DDHD1: variants seen among roughly 807,000 people sequenced by gnomAD.
DDHD1 encodes DDHD domain containing 1, also known as phospholipase DDHD1.
A neutral mutation model predicts 96.4 loss-of-function variants in DDHD1; 49 were observed. The ratio of observed to expected loss-of-function variants is 0.51; its 90% CI spans 0.40 to 0.64. The LOEUF is 0.64. DDHD1 is among the 30% of genes least tolerant of loss of function. DDHD1 has a pLI of 0.00. For synonymous variants in DDHD1, 442 were observed against 446.5 expected (o/e 0.99, Z 0.13); for missense variants, 1,106 against 1,161.2 (o/e 0.95, Z 0.69).
chr14:53,109,507 G>GT (rs1566573592), intron 1 of DDHD1, among the ~76,000 whole-genome samples: 2 of 152,242 alleles, frequency 1.3e-5, no homozygotes, highest in South Asian at 4.2e-4. Context: ...TTGTATAAAG[G>GT]TAATTAAAAA....
Position 53,153,321 on chromosome 14 carries a change from G to T in DDHD1, c.-223C>A. 1 of 372,976 alleles carries T rather than the reference G, an allele frequency of 2.7e-6. No individual in the cohort carries two copies. The highest frequency in any genetic ancestry group is 1.3e-4 in the South Asian group (1 of 7,626). The allele number at this position is 372,976 out of a possible 1,614,324, so 23.1% of individuals were successfully genotyped here. On this transcript the variant is annotated 5_prime_UTR_variant, in exon 1 of 13. Transcript: ENST00000673822. ...CATTGTCACGCAGCCCGACGTAGGC[G>T]GTGCTTCGGCCCCCGCCCCGCCCCC...
At chr14:53,078,234 C>T (rs530153398) in intron 4 of DDHD1, among the ~76,000 whole-genome samples, 32 of 152,286 alleles carry the variant, frequency 2.1e-4, no homozygotes, top group Admixed American at 1.8e-3. Flanking sequence ...TCTGATCTCA[C>T]AAGAAACATG....
intron 6 of DDHD1, among the ~76,000 whole-genome samples, chr14:53,064,926 T>A (rs927515418): frequency 2.0e-5 from 3 of 152,164 alleles, no homozygotes; most frequent in Non-Finnish European, 4.4e-5. Context: ...AATTGGAATT[T>A]TTTTTCCTTT....
chr14:53,122,854 AC>A, intron 1 of DDHD1, among the ~76,000 whole-genome samples: 1 of 151,986 alleles, frequency 6.6e-6, no homozygotes, highest in Non-Finnish European at 1.5e-5. Flanking sequence ...GGCGTGAGCC[AC>A]CGTGCCTGGC....
Position 53,093,310 on chromosome 14 carries a change from A to G in DDHD1, c.1141+6T>C. On this transcript the variant is annotated splice_donor_region_variant and intron_variant, in intron 3 of 12. Transcript: ENST00000673822. The stretch of plus-strand genomic sequence containing the variant: ...TTGATAAGCTCTAGTAATATTTAAC[A>G]ATTACCTTTAGAAAATCCCAGTTTT... 6.2e-7 allele frequency: 1 copy of G among 1,605,250 alleles called. No individual in the cohort carries two copies. The highest frequency in any genetic ancestry group is 8.5e-7 in the Non-Finnish European group (1 of 1,177,892).
At chr14:53,082,206 C>A (rs1347323607) in intron 4 of DDHD1, among the ~76,000 whole-genome samples, 1 of 152,050 alleles carries the variant, frequency 6.6e-6, no homozygotes, top group African/African-American at 2.4e-5. Flanking sequence ...GTTCTCTGAG[C>A]AATGAATGTT....
At chr14:53,104,702 T>C (rs756855454) in intron 1 of DDHD1, among the ~76,000 whole-genome samples, 2 of 152,142 alleles carry the variant, frequency 1.3e-5, no homozygotes, top group Admixed American at 6.5e-5. Context: ...TTAGTTGTTA[T>C]TTAAAATAAA....
chr14:53,099,145 T>C (rs760207604), intron 2 of DDHD1, among the ~76,000 whole-genome samples: 2 of 152,142 alleles, frequency 1.3e-5, no homozygotes, highest in African/African-American at 4.8e-5. Flanking sequence ...ACTTAAACTT[T>C]GTATTTTGGA....
At chr14:53,127,060 C>T (rs1299839108) in intron 1 of DDHD1, among the ~76,000 whole-genome samples, 3 of 152,050 alleles carry the variant, frequency 2.0e-5, no homozygotes, top group Non-Finnish European at 2.9e-5. Context: ...CTAACAAGCA[C>T]AGATGTAAAC....
chr14:53,152,649 G>A lies in DDHD1; in HGVS notation c.450C>T (p.Gly150=), dbSNP rs1273119901. 2 of 1,612,884 alleles carry A rather than the reference G, an allele frequency of 1.2e-6. No homozygotes were observed. Residue 150 remains glycine, a synonymous_variant, in exon 1 of 13, where the codon GGC becomes GGT. Coordinates refer to ENST00000673822, the MANE Select transcript of DDHD1 (RefSeq NM_001160148.2). ...PGERKRTRLG[G]PAARHRYEVV... Reference sequence around the variant, plus strand: ...CCTCATAGCGGTGCCGGGCCGCCGGGCCGCCAAGCCGGGTACGTTTCCTTT... The same window carrying A: ...CCTCATAGCGGTGCCGGGCCGCCGGACCGCCAAGCCGGGTACGTTTCCTTT...
intron 1 of DDHD1, among the ~76,000 whole-genome samples, chr14:53,139,767 C>T (rs547745938): frequency 6.7e-6 from 1 of 148,864 alleles, no homozygotes; most frequent in South Asian, 2.1e-4. Context: ...CTGCCCACCA[C>T]AAGATGTCCA....
intron 6 of DDHD1, among the ~76,000 whole-genome samples, chr14:53,070,327 T>G (rs145511269): frequency 6.6e-6 from 1 of 152,328 alleles, no homozygotes; most frequent in East Asian, 1.9e-4. Flanking sequence ...CCGTTTATAG[T>G]TAATATCAGA....
chr14:53,151,972 G>A (rs1891415167), intron 1 of DDHD1, among the ~76,000 whole-genome samples: 1 of 152,160 alleles, frequency 6.6e-6, no homozygotes, highest in African/African-American at 2.4e-5. Flanking sequence ...CTCGGGCTGC[G>A]GATCCGGTCC....
Position 53,129,634 on chromosome 14 carries a change from G to A in DDHD1, c.838+22627C>T, listed in dbSNP as rs143155148. Reference sequence around the variant, plus strand: ...CCTGGGAGGCAAGCACCACCCTCCCGCCCATGTCTCTACCCTCTCTTTTCT... The same window carrying A: ...CCTGGGAGGCAAGCACCACCCTCCCACCCATGTCTCTACCCTCTCTTTTCT... On this transcript the variant is annotated intron_variant, in intron 1 of 12. Transcript: ENST00000673822. Among the ~76,000 whole-genome samples the A allele has an allele frequency of 2.8e-4, 40 of 143,864 alleles. 1 individual carries two copies. The highest frequency in any genetic ancestry group is 1.5e-3 in the South Asian group (7 of 4,810). The allele number at this position is 143,864 out of a possible 152,430, so 94.4% of individuals were successfully genotyped here. A position where few individuals can be genotyped will look rare whatever the true frequency, so the allele number is the denominator to read the frequency against.
intron 1 of DDHD1, among the ~76,000 whole-genome samples, chr14:53,117,110 C>G (rs1888601501): frequency 6.6e-6 from 1 of 152,094 alleles, no homozygotes; most frequent in East Asian, 1.9e-4. Flanking sequence ...TACAAACTAC[C>G]ATCAGATAAT....
chr14:53,116,347 C>A (rs1406719999), intron 1 of DDHD1, among the ~76,000 whole-genome samples: 2 of 152,182 alleles, frequency 1.3e-5, no homozygotes, highest in African/African-American at 4.8e-5. Context: ...ATATTCAGGA[C>A]TTGAACTCAA....
At chr14:53,094,010 C>T (rs1203370875) in intron 2 of DDHD1, among the ~76,000 whole-genome samples, 1 of 151,822 alleles carries the variant, frequency 6.6e-6, no homozygotes, top group African/African-American at 2.4e-5. Flanking sequence ...CTCGTCTCTA[C>T]AAAAATACAA....
At chr14:53,118,979 A>G (rs1016385575) in intron 1 of DDHD1, among the ~76,000 whole-genome samples, 4 of 152,204 alleles carry the variant, frequency 2.6e-5, no homozygotes, top group Non-Finnish European at 5.9e-5. Flanking sequence ...CAGAAACTCT[A>G]CAAGCCAGAA....
chr14:53,127,605 G>C (rs1320120740), intron 1 of DDHD1, among the ~76,000 whole-genome samples: 1 of 152,166 alleles, frequency 6.6e-6, no homozygotes, highest in African/African-American at 2.4e-5. Context: ...CCATTTGGTA[G>C]AACTAAACAC....
Sources: allele counts gnomAD v4.1 joint callset (sites outside exome capture counted in the v4.1 genomes callset), GRCh38; gene constraint gnomAD v4.1.1; transcripts MANE v1.5; gene names NCBI Gene and HGNC (gene_info 2026-07-23, HGNC 2026-07-21).